Variants in TPRG1L observed in about 807,000 individuals in gnomAD.
The protein encoded by TPRG1L is tumor protein p63 regulated 1 like, also known as tumor protein p63-regulated gene 1-like protein.
Under a neutral mutation model 29.4 loss-of-function variants are expected in TPRG1L, and 25 were observed. The observed-to-expected ratio is 0.85, with a 90% confidence interval of 0.62 to 1.19. TPRG1L has a LOEUF of 1.19. Among genes scored for constraint, TPRG1L ranks in the 50% most tolerant of loss-of-function variants. The pLI is 0.00. For synonymous variants in TPRG1L, 182 were observed against 151.1 expected (o/e 1.20, Z -1.50); for missense variants, 354 against 364.4 (o/e 0.97, Z 0.23).
Position 3,625,096 on chromosome 1 carries a change from G to A in TPRG1L, c.24G>A (p.Val8=). The stretch of plus-strand genomic sequence containing the variant: ...CAATGCTGCAACTGCGGGACTCGGT[G>A]GACTCGGCCGGTACGAGCCCCACGG... MLQLRDS[V]DSAGTSPTAV... The change falls in exon 1 of 5, where the codon GTG becomes GTA. Residue 8 remains valine (V), a synonymous_variant. Coordinates refer to ENST00000378344, the MANE Select transcript of TPRG1L (RefSeq NM_182752.4). The A allele has an allele frequency of 8.2e-7, 1 of 1,217,930 alleles. No homozygotes were observed. The highest frequency in any genetic ancestry group is 1.0e-6 in the Non-Finnish European group (1 of 971,216). 75.4% of individuals were successfully genotyped at this position (1,217,930 alleles called of 1,614,324 possible).
At chr1:3,626,227 C>T (rs1460147729) in intron 3 of TPRG1L, among the ~76,000 whole-genome samples, 3 of 152,204 alleles carry the variant, frequency 2.0e-5, no homozygotes, top group African/African-American at 7.2e-5. Context: ...TTTCTCCAGC[C>T]AGGGACAGAT....
chr1:3,627,580 C>T lies in TPRG1L; in HGVS notation c.551C>T (p.Thr184Ile). Residue 184 changes from threonine to isoleucine, a missense_variant, in exon 4 of 5, where the codon ACC becomes ATC. Transcript: ENST00000378344. ...SFINRWNPWS[T>I]NVPYATFTEH... Reference sequence around the variant, plus strand: ...ATAAACAGATGGAATCCCTGGTCTACCAACGTGCCCTATGCCACTTTCACA... The same window carrying T: ...ATAAACAGATGGAATCCCTGGTCTATCAACGTGCCCTATGCCACTTTCACA... The T allele has an allele frequency of 6.2e-7, 1 of 1,614,070 alleles. No homozygotes were observed. Among genetic ancestry groups the T allele is most frequent in the East Asian group, 2.2e-5 (1 of 44,878 alleles).
intron 3 of TPRG1L, among the ~76,000 whole-genome samples, chr1:3,626,859 G>A (rs560734716): frequency 5.9e-5 from 9 of 152,206 alleles, no homozygotes. Context: ...GATTATAGAT[G>A]TCAGCCACCG....
rs1440394491 is a variant in TPRG1L at position 3,625,033 on chromosome 1, C to A, written c.-40C>A. The A allele has an allele frequency of 2.5e-6, 3 of 1,187,976 alleles. No individual in the cohort carries two copies. Among genetic ancestry groups the A allele is most frequent in the Middle Eastern group, 3.4e-4 (1 of 2,964 alleles). The allele number at this position is 1,187,976 out of a possible 1,614,324, so 73.6% of individuals were successfully genotyped here. On this transcript the variant is annotated 5_prime_UTR_variant, in exon 1 of 5. Transcript: ENST00000378344. ...TGGCGGTGGCTGCGGCGACGGCGGT[C>A]GCGTCGGCGTCAGGGTCGGGGTCGG...
chr1:3,625,409 C>A lies in TPRG1L; in HGVS notation c.202-15C>A. On this transcript the variant is annotated splice_polypyrimidine_tract_variant and intron_variant, in intron 1 of 4. Coordinates refer to ENST00000378344, the MANE Select transcript of TPRG1L (RefSeq NM_182752.4). The stretch of plus-strand genomic sequence containing the variant: ...GTGATCTTTGCCCCCGTCCCCCACC[C>A]CGCAACCCGCCCAGCCCGGCAGCAT... 1 of 1,576,510 alleles carries A rather than the reference C, an allele frequency of 6.3e-7. No homozygotes were observed. The highest frequency in any genetic ancestry group is 1.8e-4 in the Middle Eastern group (1 of 5,494).
In TPRG1L at chr1:3,625,516, G is replaced by A; in HGVS notation, c.293+1G>A. The A allele has an allele frequency of 6.2e-7, 1 of 1,600,136 alleles. No homozygotes were observed. The highest frequency in any genetic ancestry group is 1.1e-5 in the South Asian group (1 of 88,772). On this transcript the variant is annotated splice_donor_variant, in intron 2 of 4. Coordinates refer to ENST00000378344, the MANE Select transcript of TPRG1L (RefSeq NM_182752.4). LOFTEE classifies it high-confidence loss of function. ...TCCAGGGAGTGTGGCTGCTTACCGA[G>A]TAAGCCGGGGCTGCGCTCTCCTTGG... is the stretch of plus-strand genomic sequence containing the variant.
At position 3,629,631 on chromosome 1, in the gene TPRG1L, G is replaced by A. The variant is rs1386146549; in HGVS notation, c.*1028G>A. On this transcript the variant is annotated 3_prime_UTR_variant, in exon 5 of 5. Transcript: ENST00000378344. ...CCAGCTACTTGAGAGGCTGAGCCAG[G>A]AGGATCGCTTGAGCCCAGGAGGCGG... The A allele has an allele frequency of 6.6e-6, 1 of 152,318 alleles. No homozygotes were observed. The highest frequency in any genetic ancestry group is 2.4e-5 in the African/African-American group (1 of 41,460). 9.4% of individuals were successfully genotyped at this position (152,318 alleles called of 1,614,324 possible).
chr1:3,625,654 C>T (rs1426829130), intron 2 of TPRG1L, 59 bp from the exon 3 acceptor site: 4 of 1,580,074 alleles, frequency 2.5e-6, no homozygotes, highest in East Asian at 4.5e-5. Context: ...GCGGGCTGGC[C>T]TTGGCTAAGT....
At chr1:3,625,317 G>A in intron 1 of TPRG1L, 44 bp downstream of exon 1, 1 of 1,473,856 alleles carries the variant, frequency 6.8e-7, no homozygotes, top group East Asian at 2.7e-5. Flanking sequence ...AGGGCGCGGG[G>A]CGGGATGGGG....
At chr1:3,625,309 G>A (rs1356466597) in intron 1 of TPRG1L, 36 bp downstream of exon 1, 1 of 1,445,804 alleles carries the variant, frequency 6.9e-7, no homozygotes, top group Non-Finnish European at 9.0e-7. Flanking sequence ...GGGGGCCGAG[G>A]GCGCGGGGCG....
chr1:3,627,507 G>A lies in TPRG1L; in HGVS notation c.478G>A (p.Gly160Ser), dbSNP rs760564966. The change falls in exon 4 of 5, where the codon GGT becomes AGT. Residue 160 changes from glycine to serine, a missense_variant. By Grantham distance (56) the Gly-to-Ser change is moderately conservative (BLOSUM62 0). Transcript: ENST00000378344. ...FPPKSLNKREGFGIRIQWDKQ... is the reference protein window; with the variant it reads ...FPPKSLNKRESFGIRIQWDKQ... ...TTTCTTCTGACTTTTCAGGCGAGAA[G>A]GTTTTGGGATTCGAATTCAGTGGGA... 3 of 1,613,952 alleles carry A rather than the reference G, an allele frequency of 1.9e-6. No homozygotes were observed. The highest frequency in any genetic ancestry group is 1.7e-6 in the Non-Finnish European group (2 of 1,179,990).
rs569965835 is a variant in TPRG1L, at chr1:3,625,223, A to C, written c.151A>C (p.Ile51Leu). The C allele has an allele frequency of 1.3e-4, 179 of 1,355,776 alleles. 1 individual carries two copies. The East Asian group carries it at 5.0e-3, about 38-fold the overall frequency. The allele number at this position is 1,355,776 out of a possible 1,614,324, so 84.0% of individuals were successfully genotyped here. A position where few individuals can be genotyped will look rare whatever the true frequency, so the allele number is the denominator to read the frequency against. Residue 51 changes from isoleucine to leucine, a missense_variant, in exon 1 of 5, where the codon ATC (isoleucine) becomes CTC (leucine). Ile to Leu is a conservative substitution (Grantham distance 5). Coordinates refer to ENST00000378344, the MANE Select transcript of TPRG1L (RefSeq NM_182752.4). ...GCGCCAGACACTCTGGCCTCTCAGC[A>C]TCCACGACCCCACGCGCCGCGCCCG... ...PLRQTLWPLS[I>L]HDPTRRARVK...
chr1:3,627,721 G>T, intron 4 of TPRG1L, 68 bp downstream of exon 4: 1 of 1,598,796 alleles, frequency 6.3e-7, no homozygotes. Flanking sequence ...CAGTCACGGA[G>T]ACACTTCAGG....
At chr1:3,625,983 C>T (rs1644485523) in intron 3 of TPRG1L, 94 bp downstream of exon 3, 1 of 1,212,600 alleles carries the variant, frequency 8.2e-7, no homozygotes, top group African/African-American at 1.5e-5. Context: ...AGCGGTGTGT[C>T]TTCTCTGTCA....
Position 3,629,260 on chromosome 1 carries a change from G to C in TPRG1L, c.*657G>C, listed in dbSNP as rs1644509017. The C allele has an allele frequency of 6.6e-6, 1 of 152,166 alleles. No individual in the cohort carries two copies. Among genetic ancestry groups the C allele is most frequent in the Non-Finnish European group, 1.5e-5 (1 of 68,036 alleles). 9.4% of individuals were successfully genotyped at this position (152,166 alleles called of 1,614,324 possible). A position where few individuals can be genotyped will look rare whatever the true frequency, so the allele number is the denominator to read the frequency against. ...GTTAATACTTCAGGTCTGTTTCCCA[G>C]ACCCAGAAAGCTTTACAGAAAATCA... On this transcript the variant is annotated 3_prime_UTR_variant, in exon 5 of 5. Coordinates refer to ENST00000378344, the MANE Select transcript of TPRG1L (RefSeq NM_182752.4).
chr1:3,629,007 CAG>C lies in TPRG1L; in HGVS notation c.*405_*406del, dbSNP rs569226250. On this transcript the variant is annotated 3_prime_UTR_variant, in exon 5 of 5. Transcript: ENST00000378344. ...TAGCGCTTGCCTAGGTTGCTGAAAA[CAG>C]GGAGGCACCTGGTATCTCGAGTGCC... The C allele has an allele frequency of 4.2e-3, 681 of 161,368 alleles. 3 individuals carry two copies. The highest frequency in any genetic ancestry group is 0.016 in the African/African-American group (655 of 41,948). The allele number at this position is 161,368 out of a possible 1,614,324, so 10.0% of individuals were successfully genotyped here.
At chr1:3,628,358 C>A in intron 4 of TPRG1L, 51 bp from the exon 5 acceptor site, 1 of 1,473,510 alleles carries the variant, frequency 6.8e-7, no homozygotes, top group Non-Finnish European at 9.2e-7. Flanking sequence ...AAGTAATAGA[C>A]ATTCTTATCT....
At chr1:3,625,929 C>T (rs1401351122) in intron 3 of TPRG1L, 40 bp downstream of exon 3, 1 of 1,556,402 alleles carries the variant, frequency 6.4e-7, no homozygotes, top group Non-Finnish European at 8.7e-7. Context: ...GACCTAAGCA[C>T]CAGAGTGGAC....
chr1:3,625,731 T>A lies in TPRG1L; in HGVS notation c.312T>A (p.Asn104Lys), dbSNP rs754329784. 6.2e-7 allele frequency: 1 copy of A among 1,613,112 alleles called. No homozygotes were observed. Among genetic ancestry groups the A allele is most frequent in the South Asian group, 1.1e-5 (1 of 91,022 alleles). The change falls in exon 3 of 5, where the codon AAT (asparagine) becomes AAA (lysine). Residue 104 changes from asparagine to lysine, a missense_variant. Transcript: ENST00000378344. Reference protein sequence around the residue: ...WLLTEVDHWNNEKERLVLVTE... With the variant: ...WLLTEVDHWNKEKERLVLVTE... ...CCTACAGGGTGGATCACTGGAACAATGAGAAGGAGCGGCTGGTGCTGGTCA... is the reference window on the plus strand; with the variant it reads ...CCTACAGGGTGGATCACTGGAACAAAGAGAAGGAGCGGCTGGTGCTGGTCA...
Sources: allele counts gnomAD v4.1 joint callset (sites outside exome capture counted in the v4.1 genomes callset), GRCh38; gene constraint gnomAD v4.1.1; transcripts MANE v1.5; gene names NCBI Gene and HGNC (gene_info 2026-07-23, HGNC 2026-07-21).